The following ZNF407 variants were observed in gnomAD, a reference collection of about 807,000 sequenced individuals.
ZNF407 encodes the protein zinc finger protein 407.
ZNF407 carries 17 observed loss-of-function variants against 131.2 expected under a neutral mutation model. The observed-to-expected ratio is 0.13, with a 90% CI of 0.09 to 0.19. The LOEUF is 0.19. ZNF407 is among the 10% of genes least tolerant of loss of function. The probability of loss-of-function intolerance (pLI) is 1.00; values close to 1 mark genes in which losing one functional copy is unlikely to be tolerated. For synonymous variants in ZNF407, 1,156 were observed against 1,062.0 expected (o/e 1.09, Z -1.72); for missense variants, 2,681 against 2,830.6 (o/e 0.95, Z 1.20).
intron 3 of ZNF407, among the ~76,000 whole-genome samples, chr18:74,668,669 G>C (rs1297260516): frequency 6.6e-6 from 1 of 152,158 alleles, no homozygotes; most frequent in East Asian, 1.9e-4. Flanking sequence ...TATAGACTTA[G>C]AATGGATGAG....
chr18:74,879,851 A>G (rs1320477112), intron 5 of ZNF407, among the ~76,000 whole-genome samples: 1 of 152,188 alleles, frequency 6.6e-6, no homozygotes, highest in African/African-American at 2.4e-5. Flanking sequence ...AAATAAAGGG[A>G]AGACTCTTTT....
chr18:74,650,117 G>A (rs1281174641), intron 3 of ZNF407, among the ~76,000 whole-genome samples: 3 of 152,184 alleles, frequency 2.0e-5, no homozygotes, highest in South Asian at 2.1e-4. Context: ...GTCAAAAATA[G>A]CATTTCACTT....
chr18:74,702,073 T>G (rs1174555730), intron 3 of ZNF407, among the ~76,000 whole-genome samples: 1 of 152,206 alleles, frequency 6.6e-6, no homozygotes, highest in Non-Finnish European at 1.5e-5. Context: ...AATATTCTAT[T>G]TTTGAATGCT....
intron 3 of ZNF407, among the ~76,000 whole-genome samples, chr18:74,706,369 C>T (rs1967624048): frequency 6.6e-6 from 1 of 152,154 alleles, no homozygotes; most frequent in African/African-American, 2.4e-5. Context: ...GTAATAAACT[C>T]TTAGAATTAA....
At chr18:74,956,582 A>G (rs1160704248) in intron 8 of ZNF407, among the ~76,000 whole-genome samples, 1 of 152,060 alleles carries the variant, frequency 6.6e-6, no homozygotes, top group Non-Finnish European at 1.5e-5. Flanking sequence ...CAAGCATTAC[A>G]TTGCTGCTGA....
At chr18:75,029,081 G>T (rs1292601380) in intron 8 of ZNF407, among the ~76,000 whole-genome samples, 5 of 152,100 alleles carry the variant, frequency 3.3e-5, no homozygotes, top group Non-Finnish European at 7.4e-5. Flanking sequence ...ATAAAGACTG[G>T]CCCTTTTCTC....
At position 74,937,826 on chromosome 18, in the gene ZNF407, A is replaced by T. The variant is rs928491842; in HGVS notation, c.5428+17134A>T. Among the ~76,000 whole-genome samples, 74 of 152,330 alleles carry T rather than the reference A, an allele frequency of 4.9e-4. 1 individual carries two copies. Among genetic ancestry groups the T allele is most frequent in the African/African-American group, 1.7e-3 (72 of 41,582 alleles). ...GACCAAATTCTGAACATTAAGTTTTAAAAAATTTAATTATGTAACCATATT... is the reference window on the plus strand; with the variant it reads ...GACCAAATTCTGAACATTAAGTTTTTAAAAATTTAATTATGTAACCATATT... On this transcript the variant is annotated intron_variant, in intron 8 of 8. Transcript: ENST00000299687.
intron 3 of ZNF407, among the ~76,000 whole-genome samples, chr18:74,717,871 T>C (rs1290557532): frequency 6.6e-6 from 1 of 152,222 alleles, no homozygotes; most frequent in East Asian, 1.9e-4. Context: ...GTCATATCTG[T>C]GATAAAAAAA....
intron 3 of ZNF407, among the ~76,000 whole-genome samples, chr18:74,757,589 A>G (rs964886729): frequency 6.6e-6 from 1 of 152,022 alleles, no homozygotes; most frequent in African/African-American, 2.4e-5. Context: ...TCAGTTCTGG[A>G]GGCTATTCTC....
chr18:74,632,683 T>C lies in ZNF407; in HGVS notation c.1664T>C (p.Met555Thr), dbSNP rs527983284. ...IHVKRCHARE[M>T]KFYCRTCDFS... ...GTGAAAAGGTGCCATGCCAGAGAGA[T>C]GAAATTTTACTGCCGTACTTGTGAC... The change falls in exon 2 of 9, where the codon ATG becomes ACG. Residue 555 changes from methionine (M) to threonine (T), a missense_variant. Transcript: ENST00000299687. 4.5e-5 allele frequency: 72 copies of C among 1,613,950 alleles called. No homozygotes were observed. Among genetic ancestry groups the C allele is most frequent in the Admixed American group, 1.0e-4 (6 of 60,030 alleles).
intron 4 of ZNF407, among the ~76,000 whole-genome samples, chr18:74,853,529 T>A (rs1970818281): frequency 6.6e-6 from 1 of 152,210 alleles, no homozygotes; most frequent in African/African-American, 2.4e-5. Flanking sequence ...TGGTTTGTAA[T>A]TGAATAGTTA....
intron 7 of ZNF407, among the ~76,000 whole-genome samples, chr18:74,907,560 C>T (rs888763498): frequency 2.6e-5 from 4 of 152,164 alleles, no homozygotes; most frequent in African/African-American, 9.7e-5. Flanking sequence ...TCAGGCTGTG[C>T]TCTCCCACCA....
At chr18:74,860,872 A>T (rs1970928692) in intron 4 of ZNF407, among the ~76,000 whole-genome samples, 1 of 152,172 alleles carries the variant, frequency 6.6e-6, no homozygotes, top group Non-Finnish European at 1.5e-5. Context: ...AGTAACACTT[A>T]TGTATTACCA....
At chr18:75,023,738 G>A (rs1973139297) in intron 8 of ZNF407, among the ~76,000 whole-genome samples, 1 of 152,178 alleles carries the variant, frequency 6.6e-6, no homozygotes, top group Non-Finnish European at 1.5e-5. Flanking sequence ...ATGAATGCAA[G>A]TATTGGTGGT....
intron 3 of ZNF407, among the ~76,000 whole-genome samples, chr18:74,685,230 C>A (rs1967069452): frequency 6.6e-6 from 1 of 151,752 alleles, no homozygotes; most frequent in Non-Finnish European, 1.5e-5. Context: ...AAGTATAATG[C>A]CTTCTGTTAT....
chr18:74,835,583 A>C (rs1009239643), intron 4 of ZNF407, among the ~76,000 whole-genome samples: 3 of 151,690 alleles, frequency 2.0e-5, no homozygotes, highest in African/African-American at 7.3e-5. Context: ...AACTTGTGGT[A>C]GAAGGAAAAT....
intron 4 of ZNF407, among the ~76,000 whole-genome samples, chr18:74,838,346 C>T (rs572787864): frequency 2.0e-5 from 3 of 152,254 alleles, no homozygotes; most frequent in African/African-American, 7.2e-5. Context: ...CCTTCCTGTA[C>T]CAAGTTCAGT....
intron 8 of ZNF407, among the ~76,000 whole-genome samples, chr18:75,049,206 G>A (rs1033347621): frequency 6.6e-6 from 1 of 152,056 alleles, no homozygotes; most frequent in African/African-American, 2.4e-5. Flanking sequence ...TAATTGCCCA[G>A]AAAGTTCATG....
intron 3 of ZNF407, among the ~76,000 whole-genome samples, chr18:74,741,412 C>A (rs1215580347): frequency 6.6e-6 from 1 of 151,918 alleles, no homozygotes; most frequent in Non-Finnish European, 1.5e-5. Context: ...TTTGGATAAT[C>A]ATATATTTAC....
Sources: gnomAD v4.1 joint callset for allele counts (sites outside exome capture counted in the v4.1 genomes callset) on GRCh38, gnomAD v4.1.1 for gene constraint, MANE v1.5 for transcripts, NCBI Gene and HGNC (gene_info 2026-07-23, HGNC 2026-07-21) for gene names.